AUTS2: variants seen among roughly 807,000 people sequenced by gnomAD.
The protein encoded by AUTS2 is autism susceptibility gene 2 protein.
Under a neutral mutation model 112.4 loss-of-function variants are expected in AUTS2, and 17 were observed. That is an observed-to-expected ratio of 0.15 (90% CI 0.10 to 0.23). The LOEUF is 0.23. Among genes scored for constraint, AUTS2 ranks in the 10% least tolerant of loss-of-function variants. AUTS2 has a pLI of 1.00. For missense variants in AUTS2, 1,510 were observed against 1,701.6 expected (o/e 0.89, Z 1.98); for synonymous variants, 751 against 702.7 (o/e 1.07, Z -1.09).
chr7:70,059,575 G>C (rs1203618688), intron 2 of AUTS2, among the ~76,000 whole-genome samples: 2 of 152,138 alleles, frequency 1.3e-5, no homozygotes, highest in Non-Finnish European at 2.9e-5. Flanking sequence ...TCGAGGATCT[G>C]GAAATTCTGT....
At chr7:69,653,515 C>T (rs1795381596) in intron 1 of AUTS2, among the ~76,000 whole-genome samples, 1 of 152,126 alleles carries the variant, frequency 6.6e-6, no homozygotes, top group South Asian at 2.1e-4. Context: ...ACTTCTCACT[C>T]ATGAGTTTCA....
intron 1 of AUTS2, among the ~76,000 whole-genome samples, chr7:69,625,704 A>G (rs896208434): frequency 3.3e-5 from 5 of 152,006 alleles, no homozygotes; most frequent in Admixed American, 1.3e-4. Flanking sequence ...TAAAAAATTT[A>G]AAAATTAGCT....
At chr7:69,979,251 C>A (rs1340553664) in intron 2 of AUTS2, among the ~76,000 whole-genome samples, 1 of 152,184 alleles carries the variant, frequency 6.6e-6, no homozygotes, top group Non-Finnish European at 1.5e-5. Flanking sequence ...ACAGTAGAAT[C>A]CAGACAGGGA....
chr7:69,908,227 T>A (rs1387020224), intron 2 of AUTS2, among the ~76,000 whole-genome samples: 1 of 152,162 alleles, frequency 6.6e-6, no homozygotes, highest in Non-Finnish European at 1.5e-5. Flanking sequence ...ACACACCCCT[T>A]GCTGTACTTA....
chr7:70,405,571 G>T (rs971006333), intron 4 of AUTS2, among the ~76,000 whole-genome samples: 1 of 152,196 alleles, frequency 6.6e-6, no homozygotes, highest in African/African-American at 2.4e-5. Context: ...AAAGCATTTT[G>T]TGGCATGATA....
At chr7:70,439,090 G>A (rs1214669419) in intron 5 of AUTS2, among the ~76,000 whole-genome samples, 1 of 152,190 alleles carries the variant, frequency 6.6e-6, no homozygotes, top group Non-Finnish European at 1.5e-5. Context: ...TCCGAAAGGG[G>A]CTAAAAAAGC....
At position 70,307,447 on chromosome 7, in the gene AUTS2, C is replaced by T. The variant is rs146358993; in HGVS notation, c.661-128305C>T. On this transcript the variant is annotated intron_variant, in intron 4 of 18. Transcript: ENST00000342771. ...AAGCCCTCAAACGTGTTCTTGTCCT[C>T]ACGAAGATTTTTGTCTCTACTGAAA... Among the ~76,000 whole-genome samples the T allele has an allele frequency of 2.4e-3, 366 of 152,320 alleles. 1 individual carries two copies. Among genetic ancestry groups the T allele is most frequent in the Middle Eastern group, 0.01 (3 of 294 alleles).
At chr7:69,958,474 A>T (rs1337633375) in intron 2 of AUTS2, among the ~76,000 whole-genome samples, 2 of 152,090 alleles carry the variant, frequency 1.3e-5, no homozygotes, top group Admixed American at 1.3e-4. Flanking sequence ...AAATACTTCC[A>T]TCAGGGCCAA....
intron 1 of AUTS2, among the ~76,000 whole-genome samples, chr7:69,819,236 A>G (rs958239672): frequency 6.6e-6 from 1 of 152,186 alleles, no homozygotes; most frequent in Non-Finnish European, 1.5e-5. Context: ...GGAATTTTTG[A>G]TTCAAGTCGA....
chr7:70,099,550 C>T (rs572634092), intron 2 of AUTS2, among the ~76,000 whole-genome samples: 1 of 151,046 alleles, frequency 6.6e-6, no homozygotes, highest in East Asian at 2.0e-4. Context: ...GCAGTTTTCT[C>T]CCTGCCCTAG....
chr7:70,750,330 C>CTTT (rs201667797), intron 6 of AUTS2, among the ~76,000 whole-genome samples: 26,971 of 143,166 alleles, frequency 0.19, 4,150 homozygotes, highest in East Asian at 0.42. Flanking sequence ...GATGGAAAGT[C>CTTT]TTTTTTTTTT....
rs376200091 is a variant in AUTS2 at position 70,508,927 on chromosome 7, C to G, written c.690+73146C>G. 2.6e-5 allele frequency among the ~76,000 whole-genome samples: 4 copies of G among 152,288 alleles called. No individual in the cohort carries two copies. The East Asian group carries it at 5.8e-4, about 22-fold the overall frequency. On this transcript the variant is annotated intron_variant, in intron 5 of 18. Coordinates refer to ENST00000342771, the MANE Select transcript of AUTS2 (RefSeq NM_015570.4). ...TCTTATTCAGAACTGAAGCCTTTTT[C>G]TAGAATTTTTGTTCTCTCCAAATTC...
At chr7:70,110,194 AGATT>A (rs1338626222) in intron 2 of AUTS2, among the ~76,000 whole-genome samples, 5 of 152,212 alleles carry the variant, frequency 3.3e-5, no homozygotes, top group Admixed American at 3.3e-4. Context: ...CTATATAGTT[AGATT>A]GATCTTGGCT....
At chr7:70,027,042 A>G (rs1054379399) in intron 2 of AUTS2, among the ~76,000 whole-genome samples, 2 of 152,146 alleles carry the variant, frequency 1.3e-5, no homozygotes, top group African/African-American at 4.8e-5. Context: ...TTATTATAAA[A>G]TAGGCTTTAT....
intron 4 of AUTS2, chr7:70,294,072 T>C (rs1225397352): frequency 2.6e-5 from 4 of 152,204 alleles, no homozygotes; most frequent in African/African-American, 4.8e-5. Flanking sequence ...ACAGTGTTTA[T>C]GTGAGAATAA....
chr7:70,126,393 A>G (rs1805972296), intron 3 of AUTS2, among the ~76,000 whole-genome samples: 1 of 152,264 alleles, frequency 6.6e-6, no homozygotes, highest in South Asian at 2.1e-4. Context: ...TGGGTGACAG[A>G]GTGAGACTCT....
intron 5 of AUTS2, among the ~76,000 whole-genome samples, chr7:70,457,783 C>T (rs992982011): frequency 2.0e-5 from 3 of 152,164 alleles, no homozygotes; most frequent in Admixed American, 6.5e-5. Flanking sequence ...ATGCTAAACT[C>T]AAATTTTACT....
At chr7:70,659,563 A>G (rs371528886) in intron 5 of AUTS2, among the ~76,000 whole-genome samples, 64 of 152,128 alleles carry the variant, frequency 4.2e-4, no homozygotes, top group African/African-American at 1.5e-3. Flanking sequence ...TGCAAGATTC[A>G]TTACACCTAT....
intron 5 of AUTS2, among the ~76,000 whole-genome samples, chr7:70,543,326 A>G (rs1800629859): frequency 6.6e-6 from 1 of 151,788 alleles, no homozygotes; most frequent in Admixed American, 6.6e-5. Context: ...AGATGGTGAA[A>G]CCTCGTCTCT....
Sources: allele counts gnomAD v4.1 joint callset (sites outside exome capture counted in the v4.1 genomes callset), GRCh38; gene constraint gnomAD v4.1.1; transcripts MANE v1.5; gene names NCBI Gene and HGNC (gene_info 2026-07-23, HGNC 2026-07-21).